The following STAG2 variants were observed in gnomAD, a reference collection of about 807,000 sequenced individuals.
STAG2 encodes the protein cohesin subunit SA-2.
A neutral mutation model predicts 108.1 loss-of-function variants in STAG2; 14 were observed. The observed-to-expected ratio is 0.13, with a 90% confidence interval of 0.09 to 0.20. The LOEUF (loss-of-function observed/expected upper bound fraction) is 0.20. STAG2 is among the 10% of genes least tolerant of loss of function. STAG2 has a pLI of 1.00. For synonymous variants in STAG2, 307 were observed against 302.7 expected, an observed-to-expected ratio of 1.01 and a Z score of -0.15; for missense variants, 440 against 940.9, an observed-to-expected ratio of 0.47 and a Z score of 6.96.
At chrX:124,039,137 TTTATTATTA>T (rs4028223) in intron 6 of STAG2, among the ~76,000 whole-genome samples, 4 of 94,102 alleles carry the variant, frequency 4.3e-5, no homozygotes, top group East Asian at 3.4e-4. Context: ...TCCCCTTTTA[TTTATTATTA>T]TTATTATTAT....
At chrX:124,072,892 C>A (rs867721448) in intron 25 of STAG2, among the ~76,000 whole-genome samples, 1 of 89,317 alleles carries the variant, frequency 1.1e-5, no homozygotes, top group African/African-American at 4.3e-5. Flanking sequence ...TTCTTTCTTT[C>A]TTTCTTTCTT....
rs933480322 is a variant in STAG2 at position 124,051,051 on chromosome X, T to C, written c.1018-70T>C. On this transcript the variant is annotated intron_variant, in intron 11 of 34. Coordinates refer to ENST00000371145, the MANE Select transcript of STAG2 (RefSeq NM_001042750.2). ...TAAAGTAGAAAATATTGTGTACATC[T>C]TGAATATTGAAGTTGAAAATACATA... 9 of 608,075 alleles carry C rather than the reference T, an allele frequency of 1.5e-5. No homozygotes were observed. The African/African-American group carries it at 2.1e-4, about 14-fold the overall frequency. The allele number at this position is 608,075 out of a possible 1,213,427, so 50.1% of individuals were successfully genotyped here. A position where few individuals can be genotyped will look rare whatever the true frequency, so the allele number is the denominator to read the frequency against.
intron 4 of STAG2, among the ~76,000 whole-genome samples, chrX:124,028,797 TATATA>T (rs1347540339): frequency 2.6e-3 from 13 of 4,910 alleles, no homozygotes; most frequent in Admixed American, 8.6e-3. Context: ...GAATAGTTTA[TATATA>T]TATATATATA....
chrX:124,097,383 A>G (rs891145475), intron 34 of STAG2, among the ~76,000 whole-genome samples: 2 of 110,765 alleles, frequency 1.8e-5, no homozygotes, highest in African/African-American at 3.3e-5. Flanking sequence ...GGTTTTCTTG[A>G]TAATTAATCT....
At chrX:124,060,524 C>G (rs1044044749) in intron 15 of STAG2, among the ~76,000 whole-genome samples, 3 of 112,639 alleles carry the variant, frequency 2.7e-5, no homozygotes, top group African/African-American at 9.7e-5. Flanking sequence ...ACCATTATCA[C>G]TCCCCTTCAG....
At chrX:124,003,862 A>G (rs1264009584) in intron 1 of STAG2, 5 of 111,839 alleles carry the variant, frequency 4.5e-5, no homozygotes, top group Non-Finnish European at 9.4e-5. Flanking sequence ...GAGGTTTATT[A>G]TAGATTTTTA....
intron 1 of STAG2, among the ~76,000 whole-genome samples, chrX:123,975,329 A>G (rs1183639915): frequency 8.9e-6 from 1 of 112,342 alleles, no homozygotes; most frequent in Non-Finnish European, 1.9e-5. Flanking sequence ...TCCAAAAGAC[A>G]TTCCTCAGAC....
At chrX:123,981,765 AAG>A (rs2054889265) in intron 1 of STAG2, among the ~76,000 whole-genome samples, 1 of 111,556 alleles carries the variant, frequency 9.0e-6, no homozygotes, top group Non-Finnish European at 1.9e-5. Context: ...AGCAGTGAAA[AAG>A]AGGGGCCTGG....
intron 1 of STAG2, among the ~76,000 whole-genome samples, chrX:123,981,273 C>G (rs1474655273): frequency 9.0e-6 from 1 of 110,649 alleles, no homozygotes; most frequent in Admixed American, 9.7e-5. Flanking sequence ...CATAATAAAA[C>G]TGTACCCATT....
At chrX:124,036,878 A>G (rs1299041183) in intron 5 of STAG2, among the ~76,000 whole-genome samples, 2 of 110,566 alleles carry the variant, frequency 1.8e-5, no homozygotes, top group Non-Finnish European at 3.8e-5. Context: ...AGAATATTTT[A>G]TTTATTTTTA....
At chrX:124,085,572 C>T (rs187928462) in intron 29 of STAG2, among the ~76,000 whole-genome samples, 4 of 110,033 alleles carry the variant, frequency 3.6e-5, no homozygotes, top group East Asian at 5.7e-4. Context: ...GCAGAGAGTT[C>T]GAGAGCAATC....
At chrX:123,968,543 C>G (rs2054209689) in intron 1 of STAG2, among the ~76,000 whole-genome samples, 1 of 110,927 alleles carries the variant, frequency 9.0e-6, no homozygotes, top group South Asian at 3.8e-4. Context: ...GCCTGTGGCC[C>G]CAGTTACTGG....
intron 4 of STAG2, chrX:124,026,652 C>A (rs1207669840): frequency 4.6e-6 from 1 of 216,193 alleles, no homozygotes; most frequent in Non-Finnish European, 9.7e-6. Context: ...TTACGATGAC[C>A]AAAGTGAAAT....
chrX:124,052,728 AT>A (rs1318976247), intron 13 of STAG2, among the ~76,000 whole-genome samples: 1 of 108,560 alleles, frequency 9.2e-6, no homozygotes, highest in Admixed American at 9.9e-5. Flanking sequence ...ATTCTGTTTA[AT>A]TTTTTTTTGA....
chrX:123,962,061 C>G (rs1414833560), intron 1 of STAG2: 5 of 111,614 alleles, frequency 4.5e-5, no homozygotes, highest in Admixed American at 9.5e-5. Context: ...CACCCCCACC[C>G]GCACTGTCTT....
rs762703231 is a variant in STAG2, at chrX:123,970,968, G to A, written c.-163+9112G>A. On this transcript the variant is annotated intron_variant, in intron 1 of 34. Transcript: ENST00000371145. ...GGCTAAGATCAAGGGAAGAGTGAGT[G>A]AAAGGGGGCACTCACTGAATGGCAT... Among the ~76,000 whole-genome samples the A allele has an allele frequency of 1.1e-4, 12 of 111,842 alleles. No individual in the cohort carries two copies. The East Asian group carries it at 3.4e-3, about 32-fold the overall frequency.
intron 25 of STAG2, among the ~76,000 whole-genome samples, chrX:124,072,044 C>T (rs190329739): frequency 9.0e-6 from 1 of 111,228 alleles, no homozygotes; most frequent in East Asian, 2.8e-4. Flanking sequence ...AACAGAGTCT[C>T]ACTCTGTTGC....
chrX:123,986,716 A>G (rs2055203896), intron 1 of STAG2, among the ~76,000 whole-genome samples: 1 of 112,172 alleles, frequency 8.9e-6, no homozygotes, highest in South Asian at 3.6e-4. Context: ...GATGAAATGT[A>G]CTTCATTACA....
At position 124,048,320 on chromosome X, in the gene STAG2, A is replaced by G. The variant is rs185975724; in HGVS notation, c.820-685A>G. On this transcript the variant is annotated intron_variant, in intron 9 of 34. Transcript: ENST00000371145. ...TCCTGATCATATTTCACCCATGTCTAAATTCCTCATATTTTTCATATAATT... is the reference window on the plus strand; with the variant it reads ...TCCTGATCATATTTCACCCATGTCTGAATTCCTCATATTTTTCATATAATT... Among the ~76,000 whole-genome samples the G allele has an allele frequency of 3.9e-3, 440 of 112,368 alleles. 1 individual carries two copies. The highest frequency in any genetic ancestry group is 0.013 in the African/African-American group (409 of 30,989).
Sources: allele counts gnomAD v4.1 joint callset (sites outside exome capture counted in the v4.1 genomes callset), GRCh38; gene constraint gnomAD v4.1.1; transcripts MANE v1.5; gene names NCBI Gene and HGNC (gene_info 2026-07-23, HGNC 2026-07-21).